Variants in DMXL2 observed in about 807,000 individuals in gnomAD.
DMXL2 encodes the protein dmX-like protein 2.
DMXL2 carries 103 observed loss-of-function variants against 331.1 expected under a neutral mutation model. The observed-to-expected ratio is 0.31, with a 90% CI of 0.27 to 0.37. DMXL2 has a LOEUF of 0.37. DMXL2 is among the 10% of genes least tolerant of loss of function. DMXL2 has a pLI of 1.00. For synonymous variants in DMXL2, 1,281 were observed against 1,252.1 expected (o/e 1.02, Z -0.49); for missense variants, 3,171 against 3,642.9 (o/e 0.87, Z 3.33).
At position 51,450,226 on chromosome 15, in the gene DMXL2, A is replaced by G; in HGVS notation, c.8870T>C (p.Ile2957Thr). ...CIFDIRQRQL[I>T]HTFQAHDSAI... ...TGAGTCATGGGCCTGGAACGTGTGA[A>G]TGAGCTGCCTTTGCCTGATGTCAAA... The change falls in exon 43 of 44, where the codon ATT (isoleucine) becomes ACT (threonine). Residue 2957 changes from isoleucine to threonine, a missense_variant. By Grantham distance (89) the Ile-to-Thr change is moderately conservative (BLOSUM62 -1). This residue lies in a region of DMXL2 where 766 missense variants were observed against 940.5 expected (regional missense o/e 0.81). Coordinates refer to ENST00000560891, the MANE Select transcript of DMXL2 (RefSeq NM_001378457.1). The G allele has an allele frequency of 1.2e-6, 2 of 1,614,138 alleles. No homozygotes were observed. The highest frequency in any genetic ancestry group is 1.7e-6 in the Non-Finnish European group (2 of 1,180,012).
intron 6 of DMXL2, among the ~76,000 whole-genome samples, chr15:51,548,379 G>A (rs75410421): frequency 0.041 from 6,237 of 152,034 alleles, 347 homozygotes; most frequent in African/African-American, 0.13. Flanking sequence ...GCTGCATAAT[G>A]AAACAAAAAT....
chr15:51,569,357 CCCGAG>C (rs1414281993), intron 2 of DMXL2, among the ~76,000 whole-genome samples: 5 of 152,152 alleles, frequency 3.3e-5, no homozygotes, highest in African/African-American at 9.7e-5. Flanking sequence ...ACCACAGCTC[CCCGAG>C]ACAGAGCACG....
rs757811133 is a variant in DMXL2, at chr15:51,499,861, T to C, written c.3363A>G (p.Gln1121=). Residue 1121 remains glutamine, a synonymous_variant, in exon 18 of 44, where the codon CAA becomes CAG. Coordinates refer to ENST00000560891, the MANE Select transcript of DMXL2 (RefSeq NM_001378457.1). ...TAACCAAATCATCAAGATGAATTGT[T>C]TGTTCTAAAACCCACTCTGATCCTC... The part of the protein sequence containing the change: ...STGGSEWVLE[Q]TIHLDDLVKV... The C allele has an allele frequency of 1.2e-6, 2 of 1,614,202 alleles. No homozygotes were observed. Among genetic ancestry groups the C allele is most frequent in the Non-Finnish European group, 1.7e-6 (2 of 1,180,022 alleles).
chr15:51,521,414 CTAGTAG>C (rs10667947), intron 13 of DMXL2, among the ~76,000 whole-genome samples: 2,316 of 141,990 alleles, frequency 0.016, 33 homozygotes, highest in African/African-American at 0.04. Flanking sequence ...TAAAAGTTTG[CTAGTAG>C]TAGTAGTAGT....
At chr15:51,510,230 T>C (rs547009050) in intron 15 of DMXL2, among the ~76,000 whole-genome samples, 2 of 152,260 alleles carry the variant, frequency 1.3e-5, no homozygotes, top group South Asian at 4.2e-4. Context: ...GAGAAAGCAA[T>C]AAAGGGTATT....
At chr15:51,502,754 C>T (rs1277144613) in intron 17 of DMXL2, 52 bp downstream of exon 17, 1 of 1,194,700 alleles carries the variant, frequency 8.4e-7, no homozygotes, top group African/African-American at 1.5e-5. Flanking sequence ...CTAAAGAGTT[C>T]ATATATTTTA....
At chr15:51,539,267 C>A (rs192202438) in intron 9 of DMXL2, among the ~76,000 whole-genome samples, 2 of 151,224 alleles carry the variant, frequency 1.3e-5, no homozygotes, top group African/African-American at 2.4e-5. Flanking sequence ...TACACATACA[C>A]ACAGAGACAT....
chr15:51,537,249 A>G (rs546924759), intron 11 of DMXL2, among the ~76,000 whole-genome samples: 2 of 152,316 alleles, frequency 1.3e-5, no homozygotes, highest in Admixed American at 6.5e-5. Flanking sequence ...CTCAAAAATC[A>G]ACACATATAT....
chr15:51,459,050 G>A (rs1156311609), intron 34 of DMXL2: 7 of 409,792 alleles, frequency 1.7e-5, no homozygotes, highest in Non-Finnish European at 2.7e-5. Flanking sequence ...ATAAAACATG[G>A]CTAATATATT....
intron 6 of DMXL2, among the ~76,000 whole-genome samples, chr15:51,561,023 T>C (rs2049935071): frequency 6.6e-6 from 1 of 152,006 alleles, no homozygotes; most frequent in East Asian, 1.9e-4. Flanking sequence ...TAAAACCTCT[T>C]AAAAATTAAA....
intron 17 of DMXL2, 45 bp downstream of exon 17, chr15:51,502,761 T>C: frequency 3.8e-6 from 5 of 1,311,954 alleles, no homozygotes; most frequent in Non-Finnish European, 5.5e-6. Flanking sequence ...GTTCATATAT[T>C]TTATCACTCT....
Position 51,536,522 on chromosome 15 carries a change from A to C in DMXL2, c.1958T>G (p.Leu653Arg), listed in dbSNP as rs1378978804. The change falls in exon 12 of 44, where the codon CTC becomes CGC. Residue 653 changes from leucine (L) to arginine (R), a missense_variant. This residue lies in a region of DMXL2 where 1,674 missense variants were observed against 1,780.2 expected (regional missense o/e 0.94). Coordinates refer to ENST00000560891, the MANE Select transcript of DMXL2 (RefSeq NM_001378457.1). ...KFRYCGHRFH[L>R]NDLACHSVLP... is the part of the protein sequence containing the mutation. The stretch of plus-strand genomic sequence containing the variant: ...AACTGAATGACATGCCAGGTCATTG[A>C]GGTGAAATCGATGACCGCAATATCT... The C allele has an allele frequency of 6.2e-7, 1 of 1,613,992 alleles. No homozygotes were observed. Among genetic ancestry groups the C allele is most frequent in the Non-Finnish European group, 8.5e-7 (1 of 1,179,950 alleles).
intron 1 of DMXL2, among the ~76,000 whole-genome samples, chr15:51,601,277 C>G (rs1380943040): frequency 1.1e-5 from 1 of 92,992 alleles, no homozygotes; most frequent in Non-Finnish European, 2.2e-5. Context: ...GGTGACAAAG[C>G]AAGACTCCAT....
rs1197826935 is a variant in DMXL2, at chr15:51,464,694, G to T, written c.7789C>A (p.Pro2597Thr). 1 of 1,613,840 alleles carries T rather than the reference G, an allele frequency of 6.2e-7. No individual in the cohort carries two copies. The highest frequency in any genetic ancestry group is 1.3e-5 in the African/African-American group (1 of 74,922). The change falls in exon 32 of 44, where the codon CCT becomes ACT. Residue 2597 changes from proline to threonine, a missense_variant. By Grantham distance (38) the Pro-to-Thr change is conservative (BLOSUM62 -1). This residue lies in a region of DMXL2 where 766 missense variants were observed against 940.5 expected (regional missense o/e 0.81). Transcript: ENST00000560891. ...AILRNKAMLE[P>T]ENTPFKSRDS... Reference sequence around the variant, plus strand: ...TCTTACTTGAATGGGGTATTTTCAGGTTCTAGCATTGCTTTATTTCGAAGA... The same window carrying T: ...TCTTACTTGAATGGGGTATTTTCAGTTTCTAGCATTGCTTTATTTCGAAGA...
chr15:51,610,026 C>T (rs907548212), intron 1 of DMXL2, among the ~76,000 whole-genome samples: 6 of 152,010 alleles, frequency 3.9e-5, no homozygotes, highest in Admixed American at 3.3e-4. Context: ...AATGCATCTT[C>T]ATTGTTAATC....
chr15:51,549,035 T>C (rs2049047762), intron 6 of DMXL2, among the ~76,000 whole-genome samples: 2 of 152,074 alleles, frequency 1.3e-5, no homozygotes, highest in African/African-American at 4.8e-5. Context: ...CAGTGGTGAT[T>C]TGTGGGATTT....
At chr15:51,553,414 T>G (rs923691961) in intron 6 of DMXL2, among the ~76,000 whole-genome samples, 1 of 152,226 alleles carries the variant, frequency 6.6e-6, no homozygotes, top group Non-Finnish European at 1.5e-5. Flanking sequence ...AAGATTCTCA[T>G]GTGTCTCACA....
Position 51,498,764 on chromosome 15 carries a change from T to C in DMXL2, c.4460A>G (p.Glu1487Gly). The part of the protein sequence containing the change: ...IPTDDIDLEP[E>G]KRENKSKVIN... ...TACTTTTGATTTGTTTTCTCTCTTTTCAGGCTCTAAATCAATATCATCCGT... is the reference window on the plus strand; with the variant it reads ...TACTTTTGATTTGTTTTCTCTCTTTCCAGGCTCTAAATCAATATCATCCGT... Residue 1487 changes from glutamate (E) to glycine (G), a missense_variant, in exon 18 of 44, where the codon GAA becomes GGA. Coordinates refer to ENST00000560891, the MANE Select transcript of DMXL2 (RefSeq NM_001378457.1). The C allele has an allele frequency of 6.2e-7, 1 of 1,614,216 alleles. No homozygotes were observed. Among genetic ancestry groups the C allele is most frequent in the Non-Finnish European group, 8.5e-7 (1 of 1,180,028 alleles).
rs1264788548 is a variant in DMXL2, at chr15:51,498,954, C to T, written c.4270G>A (p.Asp1424Asn). 1 of 1,614,074 alleles carries T rather than the reference C, an allele frequency of 6.2e-7. No homozygotes were observed. Among genetic ancestry groups the T allele is most frequent in the South Asian group, 1.1e-5 (1 of 91,080 alleles). ...KDGTRDYTEIDSIPPLPLYAL... is the reference protein window; with the variant it reads ...KDGTRDYTEINSIPPLPLYAL... ...TATAGTGGTAGTGGAGGGATAGAAT[C>T]TATCTCAGTATAATCTCGAGTACCA... is the stretch of plus-strand genomic sequence containing the variant. Residue 1424 changes from aspartate (D) to asparagine (N), a missense_variant, in exon 18 of 44, where the codon GAT becomes AAT. Coordinates refer to ENST00000560891, the MANE Select transcript of DMXL2 (RefSeq NM_001378457.1).
Sources: gnomAD v4.1 joint callset for allele counts (sites outside exome capture counted in the v4.1 genomes callset) on GRCh38, gnomAD v4.1.1 for gene constraint, gnomAD v4.1.1 regional missense constraint, MANE v1.5 for transcripts, NCBI Gene and HGNC (gene_info 2026-07-23, HGNC 2026-07-21) for gene names.